The following ELL2 variants were observed in gnomAD, a reference collection of about 807,000 sequenced individuals.
The protein encoded by ELL2 is RNA polymerase II elongation factor ELL2.
A neutral mutation model predicts 72.8 loss-of-function variants in ELL2; 21 were observed. The observed-to-expected ratio is 0.29, with a 90% confidence interval of 0.20 to 0.42. ELL2 has a LOEUF of 0.42. Among genes scored for constraint, ELL2 ranks in the 10% least tolerant of loss-of-function variants. The pLI is 1.00. For synonymous variants in ELL2, 266 were observed against 283.2 expected (o/e 0.94, Z 0.61); for missense variants, 568 against 772.8 (o/e 0.73, Z 3.14).
intron 1 of ELL2, among the ~76,000 whole-genome samples, chr5:95,959,211 A>G (rs954383239): frequency 1.3e-5 from 2 of 152,106 alleles, no homozygotes; most frequent in Non-Finnish European, 2.9e-5. Flanking sequence ...TACACTGTCA[A>G]TCTTGCTGTA....
Position 95,898,770 on chromosome 5 carries a change from T to A in ELL2, c.995A>T (p.Asn332Ile). Residue 332 changes from asparagine (N) to isoleucine (I), a missense_variant, in exon 8 of 12, where the codon AAT becomes ATT. Coordinates refer to ENST00000237853, the MANE Select transcript of ELL2 (RefSeq NM_012081.6). ...CAGGTGAGATATTCGGGCTTTTTTA[T>A]TCATTAAAGGATCAATAAACTCTGA... ...LDSEFIDPLM[N>I]KKARISHLTN... The A allele has an allele frequency of 6.5e-7, 1 of 1,538,618 alleles. No individual in the cohort carries two copies. The highest frequency in any genetic ancestry group is 8.8e-7 in the Non-Finnish European group (1 of 1,142,470).
At chr5:95,892,813 G>A (rs938550620) in intron 9 of ELL2, among the ~76,000 whole-genome samples, 1 of 152,196 alleles carries the variant, frequency 6.6e-6, no homozygotes, top group African/African-American at 2.4e-5. Flanking sequence ...TGCTGAATTA[G>A]ACAGTGTAGA....
At chr5:95,919,645 GACCTAA>G in intron 2 of ELL2, 100 bp from the exon 3 acceptor site, 1 of 1,397,542 alleles carries the variant, frequency 7.2e-7, no homozygotes, top group Non-Finnish European at 9.5e-7. Context: ...AATCATTTTA[GACCTAA>G]GCCCTTTTGA....
At chr5:95,902,749 C>T (rs151088790) in intron 5 of ELL2, among the ~76,000 whole-genome samples, 121 of 152,180 alleles carry the variant, frequency 8.0e-4, no homozygotes, top group Admixed American at 1.8e-3. Flanking sequence ...GTGGAATAAA[C>T]ACAATCCATC....
intron 2 of ELL2, among the ~76,000 whole-genome samples, chr5:95,934,575 C>A (rs960957317): frequency 6.6e-5 from 10 of 152,228 alleles, no homozygotes; most frequent in Admixed American, 6.5e-4. Context: ...ACTCTGCCTG[C>A]ACCTTCTTTC....
rs1748538867 is a variant in ELL2 at position 95,888,491 on chromosome 5, T to G, written c.*380A>C. 6.4e-6 allele frequency: 1 copy of G among 157,194 alleles called. No individual in the cohort carries two copies. The highest frequency in any genetic ancestry group is 1.4e-5 in the Non-Finnish European group (1 of 71,730). 9.7% of individuals were successfully genotyped at this position (157,194 alleles called of 1,614,324 possible). On this transcript the variant is annotated 3_prime_UTR_variant, in exon 12 of 12. Transcript: ENST00000237853. Reference sequence around the variant, plus strand: ...AAGCATTTCACCTTGCACATTACTGTTGTTGTTTTTTAAACACATACAACT... The same window carrying G: ...AAGCATTTCACCTTGCACATTACTGGTGTTGTTTTTTAAACACATACAACT...
chr5:95,919,597 A>G, intron 2 of ELL2, 52 bp from the exon 3 acceptor site: 1 of 1,518,768 alleles, frequency 6.6e-7, no homozygotes, highest in Non-Finnish European at 8.8e-7. Context: ...TTTGCCATAG[A>G]AAAGTCTTAA....
intron 1 of ELL2, 43 bp downstream of exon 1, chr5:95,961,530 TGC>T: frequency 6.8e-7 from 1 of 1,481,128 alleles, no homozygotes; most frequent in South Asian, 1.3e-5. Context: ...CCGTGAGGGG[TGC>T]GCTCTGCCTC....
At chr5:95,946,924 G>A (rs1022365621) in intron 1 of ELL2, among the ~76,000 whole-genome samples, 2 of 143,128 alleles carry the variant, frequency 1.4e-5, no homozygotes, top group South Asian at 4.8e-4. Context: ...AGGCAACAAG[G>A]AGTGGTGAGT....
intron 8 of ELL2, 27 bp downstream of exon 8, chr5:95,898,213 C>T: frequency 1.9e-6 from 3 of 1,550,888 alleles, no homozygotes; most frequent in Non-Finnish European, 8.7e-7. Context: ...ATAGCATGCA[C>T]TTCTGGTTCA....
chr5:95,956,805 T>G (rs1561518257), intron 1 of ELL2, among the ~76,000 whole-genome samples: 1 of 152,170 alleles, frequency 6.6e-6, no homozygotes, highest in Non-Finnish European at 1.5e-5. Flanking sequence ...GGACAATAAT[T>G]TTGGAGGCTT....
chr5:95,916,855 G>A (rs1313497736), intron 3 of ELL2, among the ~76,000 whole-genome samples: 1 of 151,886 alleles, frequency 6.6e-6, no homozygotes, highest in African/African-American at 2.4e-5. Flanking sequence ...GCAATAGAGT[G>A]AAGGTCTGGT....
intron 1 of ELL2, among the ~76,000 whole-genome samples, chr5:95,948,450 A>AAAAAAAAAAAAAAC (rs1377442405): frequency 6.7e-6 from 1 of 150,320 alleles, no homozygotes; most frequent in Non-Finnish European, 1.5e-5. Flanking sequence ...AAAAAAAAAA[A>AAAAAAAAAAAAAAC]AAAGCCACAG....
intron 1 of ELL2, among the ~76,000 whole-genome samples, chr5:95,949,700 CAAAA>C (rs56376316): frequency 1.5e-5 from 2 of 132,208 alleles, no homozygotes; most frequent in Non-Finnish European, 1.7e-5. Context: ...AAAGATACTG[CAAAA>C]AAAAAAAAAA....
chr5:95,928,418 A>C (rs1449145056), intron 2 of ELL2, among the ~76,000 whole-genome samples: 2 of 152,200 alleles, frequency 1.3e-5, no homozygotes, highest in African/African-American at 4.8e-5. Context: ...TCCCTTCCAA[A>C]ATTTAAATAT....
intron 1 of ELL2, among the ~76,000 whole-genome samples, chr5:95,956,340 T>C (rs961849861): frequency 6.6e-6 from 1 of 152,216 alleles, no homozygotes; most frequent in African/African-American, 2.4e-5. Flanking sequence ...CTTTACTTGA[T>C]AAAAAGCATT....
intron 2 of ELL2, among the ~76,000 whole-genome samples, chr5:95,929,290 G>A (rs182246221): frequency 1.2e-3 from 170 of 147,216 alleles, no homozygotes; most frequent in Admixed American, 1.8e-3. Context: ...ACAGAGTCTC[G>A]CTCTGTCGCC....
intron 7 of ELL2, among the ~76,000 whole-genome samples, chr5:95,899,417 C>A (rs534282049): frequency 8.6e-5 from 13 of 151,584 alleles, no homozygotes; most frequent in African/African-American, 2.9e-4. Context: ...AGAATAGTTT[C>A]TCTAATTATC....
chr5:95,918,274 T>C (rs1375502207), intron 3 of ELL2, among the ~76,000 whole-genome samples: 1 of 152,264 alleles, frequency 6.6e-6, no homozygotes, highest in African/African-American at 2.4e-5. Flanking sequence ...AAATTTTATT[T>C]AATTTTTTAT....
Sources: allele counts gnomAD v4.1 joint callset (sites outside exome capture counted in the v4.1 genomes callset), GRCh38; gene constraint gnomAD v4.1.1; transcripts MANE v1.5; gene names NCBI Gene and HGNC (gene_info 2026-07-23, HGNC 2026-07-21).